LPAR1: variants seen among roughly 807,000 people sequenced by gnomAD.
LPAR1 encodes the protein LPA receptor 1.
In LPAR1, 5 loss-of-function variants were observed where a neutral mutation model predicts 23.8. The ratio of observed to expected loss-of-function variants is 0.21; its 90% CI spans 0.11 to 0.44. The LOEUF (loss-of-function observed/expected upper bound fraction) is 0.44, where lower values mean the gene tolerates loss of function less well. LPAR1 is among the 20% of genes least tolerant of loss of function. The pLI is 0.99. For synonymous variants in LPAR1, 160 were observed against 164.7 expected (o/e 0.97, Z 0.22); for missense variants, 311 against 482.8 (o/e 0.64, Z 3.33).
At chr9:110,918,821 A>G (rs1207831370) in intron 5 of LPAR1, among the ~76,000 whole-genome samples, 1 of 152,196 alleles carries the variant, frequency 6.6e-6, no homozygotes, top group African/African-American at 2.4e-5. Context: ...AATACATAAC[A>G]TTCCATCCTT....
intron 5 of LPAR1, among the ~76,000 whole-genome samples, chr9:110,902,786 C>A (rs1588221654): frequency 6.6e-6 from 1 of 152,290 alleles, no homozygotes; most frequent in Non-Finnish European, 1.5e-5. Context: ...GAGAGAGGGG[C>A]AGTCCTCAGC....
chr9:110,917,183 CAAAAAA>C lies in LPAR1; in HGVS notation c.793+24232_793+24237del, dbSNP rs72090804. 2.4e-5 allele frequency among the ~76,000 whole-genome samples: 3 copies of C among 122,832 alleles called. No individual in the cohort carries two copies. The East Asian group carries it at 6.7e-4, about 27-fold the overall frequency. 80.6% of individuals were successfully genotyped at this position (122,832 alleles called of 152,430 possible). ...TGCAACCTCGTCTCTACTAAAAATA[CAAAAAA>C]AAAAAAAAAATTAGCCAGGCATGGT... On this transcript the variant is annotated intron_variant, in intron 5 of 5. Transcript: ENST00000683809.
chr9:111,014,497 T>C (rs955938338), intron 2 of LPAR1, among the ~76,000 whole-genome samples: 1 of 151,966 alleles, frequency 6.6e-6, no homozygotes, highest in African/African-American at 2.4e-5. Flanking sequence ...ATCCGAGCCA[T>C]TCTTTCGGAT....
At chr9:110,893,890 C>T (rs10817107) in intron 5 of LPAR1, among the ~76,000 whole-genome samples, 3 of 151,488 alleles carry the variant, frequency 2.0e-5, no homozygotes, top group South Asian at 2.1e-4. Flanking sequence ...TGGTCTAAGA[C>T]GGAGGAAAAA....
intron 5 of LPAR1, chr9:110,903,436 C>T (rs916730166): frequency 2.0e-5 from 3 of 151,982 alleles, no homozygotes; most frequent in African/African-American, 7.3e-5. Context: ...GTGACGCATT[C>T]CGTATTTTTT....
chr9:110,928,959 GC>G (rs1325492480), intron 5 of LPAR1, among the ~76,000 whole-genome samples: 1 of 152,190 alleles, frequency 6.6e-6, no homozygotes, highest in Non-Finnish European at 1.5e-5. Context: ...AATATGAGAA[GC>G]TTTTTGAAGC....
intron 5 of LPAR1, among the ~76,000 whole-genome samples, chr9:110,925,492 T>C (rs958277881): frequency 6.6e-6 from 1 of 152,172 alleles, no homozygotes; most frequent in African/African-American, 2.4e-5. Context: ...ATTGATTGAA[T>C]GAATGACTAG....
rs145555064 is a variant in LPAR1, at chr9:110,904,290, G to C, written c.794-28568C>G. Among the ~76,000 whole-genome samples the C allele has an allele frequency of 5.5e-4, 84 of 152,196 alleles. No homozygotes were observed. The East Asian group carries it at 0.016, about 29-fold the overall frequency. ...CTCATGAGTTTCATAAGATATATTA[G>C]ATGACTTAAACATTATAACACCATC... On this transcript the variant is annotated intron_variant, in intron 5 of 5. Transcript: ENST00000683809.
chr9:110,996,105 A>T (rs1396440983), intron 2 of LPAR1, among the ~76,000 whole-genome samples: 1 of 152,196 alleles, frequency 6.6e-6, no homozygotes, highest in African/African-American at 2.4e-5. Context: ...TCTATCTGCT[A>T]ATGGGCCTGA....
At chr9:110,971,959 G>C in intron 4 of LPAR1, 114 bp downstream of exon 4, 1 of 879,432 alleles carries the variant, frequency 1.1e-6, no homozygotes, top group South Asian at 1.5e-5. Context: ...CACACCAAAT[G>C]ATAGCGAGAG....
At chr9:110,976,420 G>A (rs1312674175) in intron 2 of LPAR1, among the ~76,000 whole-genome samples, 1 of 152,036 alleles carries the variant, frequency 6.6e-6, no homozygotes, top group Non-Finnish European at 1.5e-5. Context: ...GCAGAGAGCT[G>A]CTTGAACCTG....
chr9:110,916,911 T>C (rs1024516542), intron 5 of LPAR1, among the ~76,000 whole-genome samples: 3 of 151,602 alleles, frequency 2.0e-5, no homozygotes, highest in Non-Finnish European at 2.9e-5. Context: ...ATAAAGTCTT[T>C]TTTTTTTTTT....
intron 1 of LPAR1, among the ~76,000 whole-genome samples, chr9:111,037,386 A>C (rs1242856931): frequency 6.6e-6 from 1 of 152,252 alleles, no homozygotes; most frequent in African/African-American, 2.4e-5. Context: ...GGCCCCAGAC[A>C]GCAGGCAGCA....
At chr9:110,911,898 T>C (rs1416365295) in intron 5 of LPAR1, among the ~76,000 whole-genome samples, 1 of 152,176 alleles carries the variant, frequency 6.6e-6, no homozygotes, top group Non-Finnish European at 1.5e-5. Flanking sequence ...ATTTCCCAAC[T>C]GAGATCAGAA....
At position 110,988,802 on chromosome 9, in the gene LPAR1, G is replaced by A. The variant is rs118121200; in HGVS notation, c.-181-15244C>T. On this transcript the variant is annotated intron_variant, in intron 2 of 5. Transcript: ENST00000683809. ...TCCTAAGTATATGCCCAAAAGAACT[G>A]AAAATATATATCCACACAAAAACTT... is the stretch of plus-strand genomic sequence containing the variant. Among the ~76,000 whole-genome samples the A allele has an allele frequency of 3.9e-5, 6 of 152,082 alleles. No individual in the cohort carries two copies. In the East Asian group the frequency reaches 1.2e-3, roughly 29 times the overall value.
chr9:111,030,045 CAAA>C (rs56962960), intron 2 of LPAR1, among the ~76,000 whole-genome samples: 21 of 75,204 alleles, frequency 2.8e-4, no homozygotes, highest in Admixed American at 6.6e-4. Context: ...GGCTCTGCCT[CAAA>C]AAAAAAAAAA....
chr9:110,939,092 T>C (rs545471477), intron 5 of LPAR1, among the ~76,000 whole-genome samples: 2 of 152,262 alleles, frequency 1.3e-5, no homozygotes, highest in East Asian at 3.9e-4. Flanking sequence ...AGCCCCAATT[T>C]TGGGGTTTGC....
At chr9:110,992,303 C>T (rs1352384921) in intron 2 of LPAR1, among the ~76,000 whole-genome samples, 1 of 152,086 alleles carries the variant, frequency 6.6e-6, no homozygotes, top group Non-Finnish European at 1.5e-5. Context: ...CAATGAAACA[C>T]CACTACATGA....
chr9:110,998,699 G>A (rs923108424), intron 2 of LPAR1, among the ~76,000 whole-genome samples: 1 of 152,068 alleles, frequency 6.6e-6, no homozygotes, highest in South Asian at 2.1e-4. Flanking sequence ...AATTTTGGAG[G>A]GTGTCGCCCA....
Sources: gnomAD v4.1 joint callset for allele counts (sites outside exome capture counted in the v4.1 genomes callset) on GRCh38, gnomAD v4.1.1 for gene constraint, MANE v1.5 for transcripts, NCBI Gene and HGNC (gene_info 2026-07-23, HGNC 2026-07-21) for gene names.